The following WWP2 variants were observed in gnomAD, a reference collection of about 807,000 sequenced individuals.
The protein encoded by WWP2 is NEDD4-like E3 ubiquitin-protein ligase WWP2.
A neutral mutation model predicts 121.0 loss-of-function variants in WWP2; 57 were observed. The observed-to-expected ratio is 0.47, with a 90% confidence interval of 0.38 to 0.59. The LOEUF (loss-of-function observed/expected upper bound fraction) is 0.59. Among genes scored for constraint, WWP2 ranks in the 20% least tolerant of loss-of-function variants. The pLI, the probability that WWP2 is intolerant of heterozygous loss-of-function variation, is 0.00. For missense variants in WWP2, 962 were observed against 1,158.9 expected (o/e 0.83, Z 2.47); for synonymous variants, 449 against 441.3 (o/e 1.02, Z -0.22).
intron 16 of WWP2, among the ~76,000 whole-genome samples, chr16:69,933,531 G>C (rs2058750673): frequency 6.6e-6 from 1 of 152,174 alleles, no homozygotes; most frequent in African/African-American, 2.4e-5. Context: ...AGGTAGAGTG[G>C]AAACAGGGTA....
chr16:69,785,295 A>T (rs2055762103), intron 1 of WWP2, among the ~76,000 whole-genome samples: 1 of 152,046 alleles, frequency 6.6e-6, no homozygotes, highest in African/African-American at 2.4e-5. Context: ...AGGGGAGCGG[A>T]TATGAGTTTT....
intron 3 of WWP2, 50 bp downstream of exon 3, chr16:69,798,879 A>C: frequency 6.2e-7 from 1 of 1,602,764 alleles, no homozygotes; most frequent in Middle Eastern, 1.8e-4. Context: ...GGAAAGAGAG[A>C]GGGTGCTCCG....
chr16:69,896,310 G>T (rs1028038530), intron 8 of WWP2, among the ~76,000 whole-genome samples: 4 of 152,148 alleles, frequency 2.6e-5, no homozygotes, highest in Admixed American at 2.6e-4. Flanking sequence ...GTAGAGACAA[G>T]GTCTTGCTAT....
At chr16:69,826,292 G>A (rs949720737) in intron 4 of WWP2, among the ~76,000 whole-genome samples, 1 of 150,884 alleles carries the variant, frequency 6.6e-6, no homozygotes, top group Non-Finnish European at 1.5e-5. Flanking sequence ...AGTAGACCAG[G>A]CGCAGTGGCT....
At chr16:69,856,564 C>T (rs916240527) in intron 6 of WWP2, among the ~76,000 whole-genome samples, 4 of 152,144 alleles carry the variant, frequency 2.6e-5, no homozygotes, top group Non-Finnish European at 5.9e-5. Flanking sequence ...ATCACGAGGT[C>T]GGGAGATCGA....
chr16:69,865,328 G>A (rs2057500784), intron 6 of WWP2, among the ~76,000 whole-genome samples: 1 of 152,188 alleles, frequency 6.6e-6, no homozygotes, highest in Admixed American at 6.5e-5. Context: ...GGGATTACAG[G>A]CATGAGCCAC....
At chr16:69,890,446 G>C (rs1458693600) in intron 8 of WWP2, among the ~76,000 whole-genome samples, 2 of 152,114 alleles carry the variant, frequency 1.3e-5, no homozygotes, top group Admixed American at 1.3e-4. Context: ...TTTGTGTCCA[G>C]CTACTCCCTA....
rs565542874 is a variant in WWP2 at position 69,933,082 on chromosome 16, G to A, written c.1683-888G>A. Reference sequence around the variant, plus strand: ...CTTCTGGTGTGGCCGCGCCCTGTGTGTGTCTCTCTCTGTGTCCTGCCAGTG... The same window carrying A: ...CTTCTGGTGTGGCCGCGCCCTGTGTATGTCTCTCTCTGTGTCCTGCCAGTG... On this transcript the variant is annotated intron_variant, in intron 16 of 23. Coordinates refer to ENST00000359154, the MANE Select transcript of WWP2 (RefSeq NM_001270454.2). 11 of 505,232 alleles carry A rather than the reference G, an allele frequency of 2.2e-5. No individual in the cohort carries two copies. In the Middle Eastern group the frequency reaches 9.7e-4, roughly 44 times the overall value. 31.3% of individuals were successfully genotyped at this position (505,232 alleles called of 1,614,324 possible).
At chr16:69,928,288 G>A (rs2058666690) in intron 11 of WWP2, among the ~76,000 whole-genome samples, 1 of 152,198 alleles carries the variant, frequency 6.6e-6, no homozygotes, top group Admixed American at 6.5e-5. Context: ...GAGAGAAGCA[G>A]ATTTGAAGGC....
At chr16:69,909,404 C>T in intron 9 of WWP2, 2 of 985,836 alleles carry the variant, frequency 2.0e-6, no homozygotes, top group Non-Finnish European at 2.4e-6. Flanking sequence ...ACTTCCCCTG[C>T]CCTGAGTTTG....
At chr16:69,908,690 G>A (rs1425435233) in intron 8 of WWP2, 71 bp from the exon 9 acceptor site, 2 of 1,541,300 alleles carry the variant, frequency 1.3e-6, no homozygotes, top group East Asian at 2.4e-5. Flanking sequence ...AGTGATGAAG[G>A]TCTTCCTTTC....
chr16:69,831,465 G>A (rs1368807479), intron 4 of WWP2, among the ~76,000 whole-genome samples: 1 of 151,784 alleles, frequency 6.6e-6, no homozygotes, highest in Non-Finnish European at 1.5e-5. Context: ...TTTTTCTTTT[G>A]TTGGAATAAG....
chr16:69,802,725 C>T (rs2056196006), intron 4 of WWP2, among the ~76,000 whole-genome samples: 1 of 151,838 alleles, frequency 6.6e-6, no homozygotes, highest in African/African-American at 2.4e-5. Context: ...CTCAAGCTTC[C>T]AAGTAGCTAG....
chr16:69,863,598 G>A (rs926550676), intron 6 of WWP2, among the ~76,000 whole-genome samples: 14 of 152,122 alleles, frequency 9.2e-5, no homozygotes, highest in Non-Finnish European at 2.1e-4. Flanking sequence ...CCGAGATTGC[G>A]CCACTTCACT....
At chr16:69,900,565 C>G (rs1299554424) in intron 8 of WWP2, among the ~76,000 whole-genome samples, 3 of 151,892 alleles carry the variant, frequency 2.0e-5, no homozygotes, top group African/African-American at 7.3e-5. Flanking sequence ...CTCTGTCACC[C>G]AGGCTGGAGT....
chr16:69,869,557 G>T (rs2057594021), intron 6 of WWP2, among the ~76,000 whole-genome samples: 1 of 151,992 alleles, frequency 6.6e-6, no homozygotes, highest in East Asian at 1.9e-4. Context: ...TGTTGCCCAG[G>T]CTGGTCTCAA....
chr16:69,850,335 C>T (rs966305096), intron 6 of WWP2, among the ~76,000 whole-genome samples: 3 of 145,544 alleles, frequency 2.1e-5, no homozygotes, highest in Non-Finnish European at 3.0e-5. Context: ...TGCAGTGAGC[C>T]GAGATCACAC....
intron 1 of WWP2, among the ~76,000 whole-genome samples, chr16:69,770,853 C>T (rs1391440272): frequency 6.6e-6 from 1 of 151,716 alleles, no homozygotes; most frequent in Non-Finnish European, 1.5e-5. Flanking sequence ...TTCTGTGGGG[C>T]TGGGCGTGGT....
chr16:69,897,251 T>G (rs2058119689), intron 8 of WWP2, among the ~76,000 whole-genome samples: 1 of 151,990 alleles, frequency 6.6e-6, no homozygotes, highest in Non-Finnish European at 1.5e-5. Context: ...CACAGGCACA[T>G]CCTACCATGC....
Sources: gnomAD v4.1 joint callset for allele counts (sites outside exome capture counted in the v4.1 genomes callset) on GRCh38, gnomAD v4.1.1 for gene constraint, MANE v1.5 for transcripts, NCBI Gene and HGNC (gene_info 2026-07-23, HGNC 2026-07-21) for gene names.